Variants in GRM7 observed in about 807,000 individuals in gnomAD.
The protein encoded by GRM7 is metabotropic glutamate receptor 7.
GRM7 carries 35 observed loss-of-function variants against 84.5 expected under a neutral mutation model. The observed-to-expected ratio is 0.41, with a 90% CI of 0.32 to 0.55. GRM7 has a LOEUF of 0.55. Ranked by LOEUF, GRM7 falls within the 20% of genes least tolerant of loss-of-function variation. The pLI is 0.19. For synonymous variants in GRM7, 487 were observed against 455.1 expected, an observed-to-expected ratio of 1.07 and a Z score of -0.89; for missense variants, 1,003 against 1,194.6, an observed-to-expected ratio of 0.84 and a Z score of 2.36.
intron 2 of GRM7, among the ~76,000 whole-genome samples, chr3:7,255,695 G>T (rs942935851): frequency 6.6e-6 from 1 of 152,140 alleles, no homozygotes; most frequent in Non-Finnish European, 1.5e-5. Flanking sequence ...AATTTCTAGC[G>T]GTAATAGCTT....
At position 6,943,933 on chromosome 3, in the gene GRM7, T is replaced by C. The variant is rs527244147; in HGVS notation, c.519+82026T>C. On this transcript the variant is annotated intron_variant, in intron 1 of 9. Transcript: ENST00000357716. ...TTTATATCTAAATATTTTAAATTTC[T>C]GATGCTATAGGAAATGATATTTTTG... Among the ~76,000 whole-genome samples, 6 of 152,258 alleles carry C rather than the reference T, an allele frequency of 3.9e-5. No homozygotes were observed. The South Asian group carries it at 1.0e-3, about 26-fold the overall frequency.
chr3:7,382,316 T>G (rs918559459), intron 4 of GRM7, among the ~76,000 whole-genome samples: 1 of 152,206 alleles, frequency 6.6e-6, no homozygotes, highest in African/African-American at 2.4e-5. Context: ...ATGGGAAGCA[T>G]GAAGATTTTG....
chr3:7,361,419 G>A (rs1693658829), intron 4 of GRM7, among the ~76,000 whole-genome samples: 1 of 152,050 alleles, frequency 6.6e-6, no homozygotes, highest in South Asian at 2.1e-4. Context: ...GCAAACTAGT[G>A]TCCTCTTGAG....
At chr3:7,202,198 G>A (rs1451048590) in intron 2 of GRM7, among the ~76,000 whole-genome samples, 2 of 152,036 alleles carry the variant, frequency 1.3e-5, no homozygotes, top group African/African-American at 2.4e-5. Context: ...GAAGATAAGT[G>A]TTTTCCCTAT....
intron 4 of GRM7, among the ~76,000 whole-genome samples, chr3:7,362,617 A>ATAACAACT (rs1693713852): frequency 6.6e-6 from 1 of 152,074 alleles, no homozygotes; most frequent in African/African-American, 2.4e-5. Context: ...TAACTGATCT[A>ATAACAACT]TAACAACTGC....
At chr3:7,504,282 G>A (rs75430137) in intron 7 of GRM7, among the ~76,000 whole-genome samples, 5,513 of 152,228 alleles carry the variant, frequency 0.036, 151 homozygotes, top group Non-Finnish European at 0.057. Context: ...AAATTGCCAA[G>A]CTTTTTCCTG....
In GRM7 at chr3:7,352,057, C is replaced by CACCACACA. The variant is rs1277659188; in HGVS notation, c.1033+45405_1033+45406insACCACACA. The stretch of plus-strand genomic sequence containing the variant: ...TCTCTCTCTCACACACACACACACA[C>CACCACACA]CACACACACACACACACACACACAC... On this transcript the variant is annotated intron_variant, in intron 4 of 9. Coordinates refer to ENST00000357716, the MANE Select transcript of GRM7 (RefSeq NM_000844.4). 1.5e-3 allele frequency among the ~76,000 whole-genome samples: 201 copies of CACCACACA among 136,958 alleles called. 1 individual carries two copies. The highest frequency in any genetic ancestry group is 0.012 in the Middle Eastern group (3 of 258). 89.8% of individuals were successfully genotyped at this position (136,958 alleles called of 152,430 possible). A position where few individuals can be genotyped will look rare whatever the true frequency, so the allele number is the denominator to read the frequency against.
At chr3:7,593,594 A>G (rs1485583928) in intron 8 of GRM7, among the ~76,000 whole-genome samples, 1 of 152,220 alleles carries the variant, frequency 6.6e-6, no homozygotes, top group Non-Finnish European at 1.5e-5. Context: ...TCAAGCACAA[A>G]CCTGCATGAA....
At chr3:7,108,781 T>C (rs17046789) in intron 1 of GRM7, among the ~76,000 whole-genome samples, 3,579 of 152,134 alleles carry the variant, frequency 0.024, 139 homozygotes, top group African/African-American at 0.082. Context: ...AGACCACTTA[T>C]GTGAAAGAAA....
At chr3:6,882,681 T>A (rs1286680630) in intron 1 of GRM7, among the ~76,000 whole-genome samples, 1 of 152,270 alleles carries the variant, frequency 6.6e-6, no homozygotes, top group African/African-American at 2.4e-5. Flanking sequence ...TATATAATAC[T>A]TTTAATTATT....
rs528837856 is a variant in GRM7 at position 7,380,717 on chromosome 3, T to A, written c.1034-34306T>A. Among the ~76,000 whole-genome samples the A allele has an allele frequency of 2.0e-5, 3 of 152,278 alleles. No homozygotes were observed. In the East Asian group the frequency reaches 5.8e-4, roughly 29 times the overall value. ...TGCCCAATTTTGAACATTCTAACTA[T>A]CCTGAAGGTAGCAAAGTTAAAACTC... On this transcript the variant is annotated intron_variant, in intron 4 of 9. Coordinates refer to ENST00000357716, the MANE Select transcript of GRM7 (RefSeq NM_000844.4).
chr3:7,555,490 T>G (rs1029338899), intron 7 of GRM7, among the ~76,000 whole-genome samples: 1 of 152,194 alleles, frequency 6.6e-6, no homozygotes, highest in Non-Finnish European at 1.5e-5. Flanking sequence ...CATTTTGCAA[T>G]AGCTGTTGTT....
At chr3:7,327,326 C>G (rs1322836947) in intron 4 of GRM7, among the ~76,000 whole-genome samples, 1 of 152,074 alleles carries the variant, frequency 6.6e-6, no homozygotes, top group Non-Finnish European at 1.5e-5. Context: ...TTCTACCAAT[C>G]TAAAATATTG....
At chr3:7,373,520 C>T (rs12488128) in intron 4 of GRM7, among the ~76,000 whole-genome samples, 35,049 of 152,088 alleles carry the variant, frequency 0.23, 5,397 homozygotes, top group African/African-American at 0.45. Flanking sequence ...CATTAATAAA[C>T]GCAGCACCAA....
Position 6,873,239 on chromosome 3 carries a change from T to G in GRM7, c.519+11332T>G, listed in dbSNP as rs568820676. ...GGCACCCACCACCAGGCCTGGCTAATTTTTTGTATTTTTAGTGGAGACAGG... is the reference window on the plus strand; with the variant it reads ...GGCACCCACCACCAGGCCTGGCTAAGTTTTTGTATTTTTAGTGGAGACAGG... On this transcript the variant is annotated intron_variant, in intron 1 of 9. Coordinates refer to ENST00000357716, the MANE Select transcript of GRM7 (RefSeq NM_000844.4). Among the ~76,000 whole-genome samples, 395 of 152,180 alleles carry G rather than the reference T, an allele frequency of 2.6e-3. 3 individuals are homozygous for G. Among genetic ancestry groups the G allele is most frequent in the African/African-American group, 9.0e-3 (372 of 41,536 alleles).
chr3:7,230,464 A>G (rs1312413104), intron 2 of GRM7, among the ~76,000 whole-genome samples: 1 of 152,212 alleles, frequency 6.6e-6, no homozygotes, highest in Non-Finnish European at 1.5e-5. Flanking sequence ...CTGATTAGGA[A>G]TACGCCCATA....
At position 7,550,571 on chromosome 3, in the gene GRM7, CTCTCTCTGTGTGTGTGTGTGTG is replaced by C. The variant is rs1185070524; in HGVS notation, c.1516-27849_1516-27828del. On this transcript the variant is annotated intron_variant, in intron 7 of 9. Coordinates refer to ENST00000357716, the MANE Select transcript of GRM7 (RefSeq NM_000844.4). ...CTTCTCTCTCTCTCTCTCTCTCTCTCTCTCTCTGTGTGTGTGTGTGTGTGTGTGTGTGTGTGTGTGTGTGTGT... is the reference window on the plus strand; with the variant it reads ...CTTCTCTCTCTCTCTCTCTCTCTCTCTGTGTGTGTGTGTGTGTGTGTGTGT... 1.5e-4 allele frequency among the ~76,000 whole-genome samples: 13 copies of C among 87,228 alleles called. 1 individual carries two copies. Among genetic ancestry groups the C allele is most frequent in the Admixed American group, 1.0e-3 (8 of 7,818 alleles). 57.2% of individuals were successfully genotyped at this position (87,228 alleles called of 152,430 possible).
intron 2 of GRM7, among the ~76,000 whole-genome samples, chr3:7,222,334 A>G (rs1235567599): frequency 6.6e-6 from 1 of 152,078 alleles, no homozygotes; most frequent in East Asian, 1.9e-4. Context: ...AGAGATTTGA[A>G]GGGTGAAAAG....
At chr3:7,702,576 TTCTG>T (rs1372852074) in intron 9 of GRM7, among the ~76,000 whole-genome samples, 1 of 152,240 alleles carries the variant, frequency 6.6e-6, no homozygotes, top group Non-Finnish European at 1.5e-5. Context: ...CTAAAGGTGT[TTCTG>T]TCTTAGAAAA....
Sources: allele counts gnomAD v4.1 joint callset (sites outside exome capture counted in the v4.1 genomes callset), GRCh38; gene constraint gnomAD v4.1.1; transcripts MANE v1.5; gene names NCBI Gene and HGNC (gene_info 2026-07-23, HGNC 2026-07-21).